Variants in NOPCHAP1 observed in about 807,000 individuals in gnomAD.
The protein encoded by NOPCHAP1 is DNA damage-sensitive RNA 1.
In NOPCHAP1, 13 loss-of-function variants were observed where a neutral mutation model predicts 14.0. The ratio of observed to expected loss-of-function variants is 0.93; its 90% CI spans 0.60 to 1.47. The LOEUF is 1.47. NOPCHAP1 is among the 40% of genes most tolerant of loss of function. The pLI, the probability that NOPCHAP1 is intolerant of heterozygous loss-of-function variation, is 0.00. For synonymous variants in NOPCHAP1, 78 were observed against 78.4 expected, an observed-to-expected ratio of 1.00 and a Z score of 0.03; for missense variants, 230 against 226.9, an observed-to-expected ratio of 1.01 and a Z score of -0.09.
At chr12:104,986,985 G>T (rs998891802) in intron 1 of NOPCHAP1, among the ~76,000 whole-genome samples, 1 of 152,190 alleles carries the variant, frequency 6.6e-6, no homozygotes, top group Non-Finnish European at 1.5e-5. Flanking sequence ...GAATTTAAAA[G>T]CACGAGTTCG....
Position 104,996,744 on chromosome 12 carries a change from G to A in NOPCHAP1, c.*2048G>A, listed in dbSNP as rs926850428. The A allele has an allele frequency of 6.6e-6, 1 of 152,178 alleles. No homozygotes were observed. The highest frequency in any genetic ancestry group is 1.5e-5 in the Non-Finnish European group (1 of 68,048). 9.4% of individuals were successfully genotyped at this position (152,178 alleles called of 1,614,324 possible). On this transcript the variant is annotated 3_prime_UTR_variant, in exon 4 of 4. Coordinates refer to ENST00000552951, the MANE Select transcript of NOPCHAP1 (RefSeq NM_152318.3). The stretch of plus-strand genomic sequence containing the variant: ...CACTATTATCTAGCTCTCTTTGTAG[G>A]TCTCTGAATGCTTGCTTTATGAATC...
Position 105,012,077 on chromosome 12 carries a change from A to T in NOPCHAP1, c.*17381A>T, listed in dbSNP as rs368592374. 6.6e-6 allele frequency: 1 copy of T among 152,316 alleles called. No individual in the cohort carries two copies. Among genetic ancestry groups the T allele is most frequent in the East Asian group, 1.9e-4 (1 of 5,186 alleles). The allele number at this position is 152,316 out of a possible 1,614,324, so 9.4% of individuals were successfully genotyped here. A position where few individuals can be genotyped will look rare whatever the true frequency, so the allele number is the denominator to read the frequency against. ...GGAAGTTCTCGTGGATAATATCCTG[A>T]AGAGTGTTTTCCAACTTGGTTCCAT... is the stretch of plus-strand genomic sequence containing the variant. On this transcript the variant is annotated 3_prime_UTR_variant, in exon 4 of 4. Transcript: ENST00000552951.
Position 104,998,058 on chromosome 12 carries a change from C to T in NOPCHAP1, c.*3362C>T, listed in dbSNP as rs996127090. The T allele has an allele frequency of 2.0e-5, 3 of 152,194 alleles. No homozygotes were observed. The highest frequency in any genetic ancestry group is 4.4e-5 in the Non-Finnish European group (3 of 68,040). 9.4% of individuals were successfully genotyped at this position (152,194 alleles called of 1,614,324 possible). ...AGCTCTGTCAGATCGGTTTAGTTCT[C>T]TCTTATAATGGCCGTTTTGTTTATC... On this transcript the variant is annotated 3_prime_UTR_variant, in exon 4 of 4. Transcript: ENST00000552951.
chr12:104,988,141 G>A (rs1451888292), intron 1 of NOPCHAP1, 26 bp from the exon 2 acceptor site: 1 of 1,539,310 alleles, frequency 6.5e-7, no homozygotes, highest in Admixed American at 1.7e-5. Context: ...AGTAAATTAA[G>A]GGTGTTTGTG....
At position 105,010,347 on chromosome 12, in the gene NOPCHAP1, C is replaced by T. The variant is rs1873794444; in HGVS notation, c.*15651C>T. On this transcript the variant is annotated 3_prime_UTR_variant, in exon 4 of 4. Transcript: ENST00000552951. ...TCCCCTTTATCATTTTTTATTGTGT[C>T]TGTTTGATTCTTCTCTCTTTTCTTC... 6.6e-6 allele frequency: 1 copy of T among 151,656 alleles called. No individual in the cohort carries two copies. The highest frequency in any genetic ancestry group is 2.1e-4 in the South Asian group (1 of 4,772). 9.4% of individuals were successfully genotyped at this position (151,656 alleles called of 1,614,324 possible).
At position 105,000,338 on chromosome 12, in the gene NOPCHAP1, A is replaced by T. The variant is rs1272907413; in HGVS notation, c.*5642A>T. ...TCTCTTCCTTTGGGGTTTCAGGGTA[A>T]TTCTCTTCGGGAACTCAGAGAGGTG... On this transcript the variant is annotated 3_prime_UTR_variant, in exon 4 of 4. Coordinates refer to ENST00000552951, the MANE Select transcript of NOPCHAP1 (RefSeq NM_152318.3). The T allele has an allele frequency of 6.6e-6, 1 of 152,156 alleles. No individual in the cohort carries two copies. Among genetic ancestry groups the T allele is most frequent in the African/African-American group, 2.4e-5 (1 of 41,424 alleles). The allele number at this position is 152,156 out of a possible 1,614,324, so 9.4% of individuals were successfully genotyped here. A position where few individuals can be genotyped will look rare whatever the true frequency, so the allele number is the denominator to read the frequency against.
rs1252403082 is a variant in NOPCHAP1 at position 105,003,042 on chromosome 12, TAC to T, written c.*8348_*8349del. 1 of 152,242 alleles carries T rather than the reference TAC, an allele frequency of 6.6e-6. No homozygotes were observed. Among genetic ancestry groups the T allele is most frequent in the Non-Finnish European group, 1.5e-5 (1 of 68,048 alleles). The allele number at this position is 152,242 out of a possible 1,614,324, so 9.4% of individuals were successfully genotyped here. ...CAAAACAGGTTTGAATCAGTCAAGATACAGTCTTTTTTTGTATCATCCTTAAG... is the reference window on the plus strand; with the variant it reads ...CAAAACAGGTTTGAATCAGTCAAGATAGTCTTTTTTTGTATCATCCTTAAG... On this transcript the variant is annotated 3_prime_UTR_variant, in exon 4 of 4. Coordinates refer to ENST00000552951, the MANE Select transcript of NOPCHAP1 (RefSeq NM_152318.3).
intron 1 of NOPCHAP1, among the ~76,000 whole-genome samples, chr12:104,987,151 A>T (rs2136024566): frequency 6.6e-6 from 1 of 152,362 alleles, no homozygotes; most frequent in Admixed American, 6.5e-5. Context: ...TGTTGTCAGT[A>T]AATACTAGCT....
rs1384560303 is a variant in NOPCHAP1, at chr12:105,015,361, A to G, written c.*20665A>G. 6.6e-6 allele frequency: 1 copy of G among 152,186 alleles called. No individual in the cohort carries two copies. Among genetic ancestry groups the G allele is most frequent in the Non-Finnish European group, 1.5e-5 (1 of 68,032 alleles). The allele number at this position is 152,186 out of a possible 1,614,324, so 9.4% of individuals were successfully genotyped here. A position where few individuals can be genotyped will look rare whatever the true frequency, so the allele number is the denominator to read the frequency against. On this transcript the variant is annotated 3_prime_UTR_variant, in exon 4 of 4. Transcript: ENST00000552951. ...CAGTAGGCATGGAATAATGATAATA[A>G]ATGGATTAAATGGATGCATGAAGGT...
At position 105,012,925 on chromosome 12, in the gene NOPCHAP1, C is replaced by T. The variant is rs1014838931; in HGVS notation, c.*18229C>T. ...TCCTGTGTGAGGTTTCTGTCAACCT[C>T]TGCTGGGAGGTGTCTCCCAGTCAGT... On this transcript the variant is annotated 3_prime_UTR_variant, in exon 4 of 4. Coordinates refer to ENST00000552951, the MANE Select transcript of NOPCHAP1 (RefSeq NM_152318.3). 6.6e-6 allele frequency: 1 copy of T among 152,358 alleles called. No individual in the cohort carries two copies. Among genetic ancestry groups the T allele is most frequent in the African/African-American group, 2.4e-5 (1 of 41,466 alleles). The allele number at this position is 152,358 out of a possible 1,614,324, so 9.4% of individuals were successfully genotyped here.
Position 105,010,995 on chromosome 12 carries a change from C to G in NOPCHAP1, c.*16299C>G, listed in dbSNP as rs1296162512. On this transcript the variant is annotated 3_prime_UTR_variant, in exon 4 of 4. Coordinates refer to ENST00000552951, the MANE Select transcript of NOPCHAP1 (RefSeq NM_152318.3). ...GTTCTGTAGATGTCTATTAAGCACA[C>G]TTGGTCCAGAGCTGAGTTCAAGTCC... The G allele has an allele frequency of 6.6e-6, 1 of 152,170 alleles. No homozygotes were observed. Among genetic ancestry groups the G allele is most frequent in the Non-Finnish European group, 1.5e-5 (1 of 68,020 alleles). 9.4% of individuals were successfully genotyped at this position (152,170 alleles called of 1,614,324 possible).
rs1482836335 is a variant in NOPCHAP1 at position 105,000,104 on chromosome 12, A to G, written c.*5408A>G. 4 of 152,260 alleles carry G rather than the reference A, an allele frequency of 2.6e-5. No homozygotes were observed. Among genetic ancestry groups the G allele is most frequent in the African/African-American group, 9.6e-5 (4 of 41,472 alleles). The allele number at this position is 152,260 out of a possible 1,614,324, so 9.4% of individuals were successfully genotyped here. A position where few individuals can be genotyped will look rare whatever the true frequency, so the allele number is the denominator to read the frequency against. The stretch of plus-strand genomic sequence containing the variant: ...TTACTATATTTAATCCAATGACATT[A>G]TACAAATAATCACCGGTGCCCACAT... On this transcript the variant is annotated 3_prime_UTR_variant, in exon 4 of 4. Transcript: ENST00000552951.
At chr12:104,993,238 A>G (rs1384021039) in intron 3 of NOPCHAP1, among the ~76,000 whole-genome samples, 1 of 152,162 alleles carries the variant, frequency 6.6e-6, no homozygotes, top group Non-Finnish European at 1.5e-5. Context: ...AAGAGGTCAG[A>G]TAGTAAATAC....
In NOPCHAP1 at chr12:105,016,444, G is replaced by C. The variant is rs1873948889; in HGVS notation, c.*21748G>C. 1 of 152,268 alleles carries C rather than the reference G, an allele frequency of 6.6e-6. No individual in the cohort carries two copies. Among genetic ancestry groups the C allele is most frequent in the Non-Finnish European group, 1.5e-5 (1 of 68,090 alleles). The allele number at this position is 152,268 out of a possible 1,614,324, so 9.4% of individuals were successfully genotyped here. On this transcript the variant is annotated 3_prime_UTR_variant, in exon 4 of 4. Transcript: ENST00000552951. ...CTTTTGAGGACTTTATTGTATGTAT[G>C]CGTATTAGTCTGTTCTCACACTGCT...
rs1228836829 is a variant in NOPCHAP1 at position 104,989,570 on chromosome 12, G to GT, written c.202+1322dup. On this transcript the variant is annotated intron_variant, in intron 2 of 3. Coordinates refer to ENST00000552951, the MANE Select transcript of NOPCHAP1 (RefSeq NM_152318.3). ...GCCTTTAAGATTCCCTTCATTACTG[G>GT]TTTTTACCGATTTTATGGTGATGTG... Among the ~76,000 whole-genome samples, 3 of 152,106 alleles carry GT rather than the reference G, an allele frequency of 2.0e-5. 1 individual carries two copies. The highest frequency in any genetic ancestry group is 7.2e-5 in the African/African-American group (3 of 41,408).
In NOPCHAP1 at chr12:105,010,859, G is replaced by A. The variant is rs375839433; in HGVS notation, c.*16163G>A. 24 of 152,076 alleles carry A rather than the reference G, an allele frequency of 1.6e-4. No homozygotes were observed. Among genetic ancestry groups the A allele is most frequent in the African/African-American group, 4.6e-4 (19 of 41,406 alleles). 9.4% of individuals were successfully genotyped at this position (152,076 alleles called of 1,614,324 possible). A position where few individuals can be genotyped will look rare whatever the true frequency, so the allele number is the denominator to read the frequency against. On this transcript the variant is annotated 3_prime_UTR_variant, in exon 4 of 4. Transcript: ENST00000552951. ...TGAGAGACCATTTGTTATGATTTCC[G>A]TTCTTTTGCATTTAGCTGAGGAGTG... is the stretch of plus-strand genomic sequence containing the variant.
chr12:104,994,695 A>C lies in NOPCHAP1; in HGVS notation c.557A>C (p.Ter186SerextTer56). The stretch of plus-strand genomic sequence containing the variant: ...AGTCCAGCAAGTAAAAAAAAGAAAT[A>C]GTCAAATAAATTATCTGAAAAGAAA... ...LDSPASKKKK[*>S] The change falls in exon 4 of 4, where the codon TAG becomes TCG. Residue 186 changes from the stop codon to serine, a stop_lost. Coordinates refer to ENST00000552951, the MANE Select transcript of NOPCHAP1 (RefSeq NM_152318.3). 6.3e-7 allele frequency: 1 copy of C among 1,598,366 alleles called. No individual in the cohort carries two copies. The highest frequency in any genetic ancestry group is 8.5e-7 in the Non-Finnish European group (1 of 1,170,554).
rs1307734487 is a variant in NOPCHAP1, at chr12:105,001,404, T to C, written c.*6708T>C. 6.6e-6 allele frequency: 1 copy of C among 152,212 alleles called. No individual in the cohort carries two copies. Among genetic ancestry groups the C allele is most frequent in the Non-Finnish European group, 1.5e-5 (1 of 68,036 alleles). 9.4% of individuals were successfully genotyped at this position (152,212 alleles called of 1,614,324 possible). Reference sequence around the variant, plus strand: ...TGTACCACCTAAAATTTGGATTATCTTTCCAGGATTATGAGCTTGATAAAC... The same window carrying C: ...TGTACCACCTAAAATTTGGATTATCCTTCCAGGATTATGAGCTTGATAAAC... On this transcript the variant is annotated 3_prime_UTR_variant, in exon 4 of 4. Transcript: ENST00000552951.
In NOPCHAP1 at chr12:104,996,927, T is replaced by C. The variant is rs559044892; in HGVS notation, c.*2231T>C. 6.6e-6 allele frequency: 1 copy of C among 152,344 alleles called. No homozygotes were observed. The highest frequency in any genetic ancestry group is 2.1e-4 in the South Asian group (1 of 4,824). 9.4% of individuals were successfully genotyped at this position (152,344 alleles called of 1,614,324 possible). On this transcript the variant is annotated 3_prime_UTR_variant, in exon 4 of 4. Transcript: ENST00000552951. ...ATAGCAACCCCTGCCTTTTTCTTTCTGTTTGCTTGGTAGAGTTTTCTCCAT... is the reference window on the plus strand; with the variant it reads ...ATAGCAACCCCTGCCTTTTTCTTTCCGTTTGCTTGGTAGAGTTTTCTCCAT...
Sources: allele counts gnomAD v4.1 joint callset (sites outside exome capture counted in the v4.1 genomes callset), GRCh38; gene constraint gnomAD v4.1.1; transcripts MANE v1.5; gene names NCBI Gene and HGNC (gene_info 2026-07-23, HGNC 2026-07-21).